NKAIN3: variants seen among roughly 807,000 people sequenced by gnomAD.
NKAIN3 encodes the protein sodium/potassium transporting ATPase interacting 3.
A neutral mutation model predicts 30.2 loss-of-function variants in NKAIN3; 25 were observed. The observed-to-expected ratio is 0.83, with a 90% CI of 0.60 to 1.16. The LOEUF is 1.16. Among genes scored for constraint, NKAIN3 ranks in the 50% most tolerant of loss-of-function variants. NKAIN3 has a pLI of 0.00. For synonymous variants in NKAIN3, 91 were observed against 89.6 expected (o/e 1.02, Z -0.09); for missense variants, 225 against 254.1 (o/e 0.89, Z 0.78).
At chr8:62,753,012 C>T (rs759657587) in intron 4 of NKAIN3, among the ~76,000 whole-genome samples, 52 of 152,132 alleles carry the variant, frequency 3.4e-4, no homozygotes, top group African/African-American at 1.2e-3. Flanking sequence ...TTTGTTCTTC[C>T]GCATGTTCTT....
chr8:62,684,993 A>G (rs1813752390), intron 3 of NKAIN3, among the ~76,000 whole-genome samples: 1 of 152,142 alleles, frequency 6.6e-6, no homozygotes, highest in Admixed American at 6.5e-5. Context: ...GGTATTTGTT[A>G]TGGAAGTCCT....
At chr8:62,302,602 A>T (rs1814086138) in intron 1 of NKAIN3, among the ~76,000 whole-genome samples, 1 of 151,960 alleles carries the variant, frequency 6.6e-6, no homozygotes, top group Admixed American at 6.6e-5. Flanking sequence ...TGGATTCTTG[A>T]TAGTGAATTC....
At chr8:62,628,169 A>G (rs1586025675) in intron 3 of NKAIN3, among the ~76,000 whole-genome samples, 1 of 152,142 alleles carries the variant, frequency 6.6e-6, no homozygotes, top group Non-Finnish European at 1.5e-5. Flanking sequence ...GATGAAGCCT[A>G]TAAAGCCATC....
At chr8:62,989,550 T>G (rs1011986898), downstream of NKAIN3, among the ~76,000 whole-genome samples, 5 of 152,074 alleles carry the variant, frequency 3.3e-5, no homozygotes, top group Non-Finnish European at 7.4e-5. Flanking sequence ...CATGATTCTA[T>G]AACTCCCACA....
At chr8:62,813,052 C>G (rs966017208) in intron 4 of NKAIN3, among the ~76,000 whole-genome samples, 1 of 151,906 alleles carries the variant, frequency 6.6e-6, no homozygotes, top group African/African-American at 2.4e-5. Context: ...AGGCCTCATT[C>G]TTCTCCACAG....
chr8:62,853,788 G>A (rs1217087165), intron 4 of NKAIN3, among the ~76,000 whole-genome samples: 3 of 152,140 alleles, frequency 2.0e-5, no homozygotes, highest in African/African-American at 7.2e-5. Context: ...TAACTGTGAT[G>A]TTAAGTTGTT....
intron 1 of NKAIN3, among the ~76,000 whole-genome samples, chr8:62,391,076 G>T (rs772204863): frequency 1.3e-5 from 2 of 152,002 alleles, no homozygotes; most frequent in African/African-American, 4.8e-5. Flanking sequence ...TTTTAATTTT[G>T]TTGCAATTGC....
intron 1 of NKAIN3, among the ~76,000 whole-genome samples, chr8:62,477,412 G>T (rs1806556231): frequency 6.6e-6 from 1 of 152,164 alleles, no homozygotes; most frequent in Non-Finnish European, 1.5e-5. Flanking sequence ...GTGAGCCAGG[G>T]CTCAGGCAAT....
intron 2 of NKAIN3, among the ~76,000 whole-genome samples, chr8:62,581,067 C>T (rs1044098865): frequency 1.4e-5 from 2 of 147,614 alleles, no homozygotes; most frequent in Non-Finnish European, 3.0e-5. Context: ...CATGCCACTC[C>T]ACTCCAGCCT....
intron 4 of NKAIN3, among the ~76,000 whole-genome samples, chr8:62,849,424 T>C (rs1184242404): frequency 1.3e-5 from 2 of 151,852 alleles, no homozygotes; most frequent in Non-Finnish European, 1.5e-5. Context: ...GCCAGGAATG[T>C]ATCCATTTCC....
At chr8:62,878,746 G>A (rs921448981) in intron 4 of NKAIN3, among the ~76,000 whole-genome samples, 5 of 144,916 alleles carry the variant, frequency 3.5e-5, no homozygotes, top group African/African-American at 5.1e-5. Flanking sequence ...CCACCTATGA[G>A]TGAGAACATG....
chr8:62,757,427 C>G (rs1248474530), intron 4 of NKAIN3, among the ~76,000 whole-genome samples: 1 of 152,036 alleles, frequency 6.6e-6, no homozygotes, highest in African/African-American at 2.4e-5. Flanking sequence ...TTCAGAAGCC[C>G]CTACTCTGTA....
At chr8:62,799,355 A>G (rs913979229) in intron 4 of NKAIN3, among the ~76,000 whole-genome samples, 18 of 152,192 alleles carry the variant, frequency 1.2e-4, no homozygotes, top group Non-Finnish European at 5.9e-5. Context: ...CAAGAAAAAA[A>G]CAAACAATTG....
At chr8:62,251,159 C>G (rs1018805174) in intron 1 of NKAIN3, among the ~76,000 whole-genome samples, 1 of 152,088 alleles carries the variant, frequency 6.6e-6, no homozygotes, top group African/African-American at 2.4e-5. Flanking sequence ...GAGGTAGATA[C>G]TCATTTCATT....
chr8:62,511,428 TA>T (rs924424669), intron 1 of NKAIN3, among the ~76,000 whole-genome samples: 1 of 152,166 alleles, frequency 6.6e-6, no homozygotes, highest in Non-Finnish European at 1.5e-5. Context: ...ATCCCTGGAA[TA>T]GTCTTCTTAT....
chr8:62,619,806 A>G (rs565986308), intron 3 of NKAIN3, among the ~76,000 whole-genome samples: 3 of 152,264 alleles, frequency 2.0e-5, no homozygotes, highest in East Asian at 1.9e-4. Context: ...CTAACTGTTG[A>G]CAAATCATTG....
intron 1 of NKAIN3, among the ~76,000 whole-genome samples, chr8:62,475,419 C>T (rs182752039): frequency 6.6e-6 from 1 of 152,280 alleles, no homozygotes; most frequent in East Asian, 1.9e-4. Context: ...GAAGGCTGTG[C>T]CTCCATGGTC....
intron 3 of NKAIN3, among the ~76,000 whole-genome samples, chr8:62,602,279 T>A (rs145546528): frequency 2.6e-5 from 4 of 152,206 alleles, no homozygotes; most frequent in African/African-American, 9.6e-5. Context: ...TTAGAATCAC[T>A]TATTGAACAA....
intron 1 of NKAIN3, among the ~76,000 whole-genome samples, chr8:62,345,496 C>CATATGTAT (rs796865483): frequency 8.5e-6 from 1 of 117,522 alleles, no homozygotes. Flanking sequence ...TATATACACA[C>CATATGTAT]ATATATACAC....
Sources: allele counts gnomAD v4.1 joint callset (sites outside exome capture counted in the v4.1 genomes callset), GRCh38; gene constraint gnomAD v4.1.1; transcripts MANE v1.5; gene names NCBI Gene and HGNC (gene_info 2026-07-23, HGNC 2026-07-21).